The following SYT1 variants were observed in gnomAD, a reference collection of about 807,000 sequenced individuals.
SYT1 encodes the protein synaptotagmin 1, also known as synaptotagmin-1.
SYT1 carries 8 observed loss-of-function variants against 44.8 expected under a neutral mutation model. The ratio of observed to expected loss-of-function variants is 0.18; its 90% CI spans 0.10 to 0.32. SYT1 has a LOEUF of 0.32. Ranked by LOEUF, SYT1 falls within the 10% of genes least tolerant of loss-of-function variation. SYT1 has a pLI of 1.00. For synonymous variants in SYT1, 154 were observed against 188.8 expected, an observed-to-expected ratio of 0.82 and a Z score of 1.51; for missense variants, 286 against 509.3, an observed-to-expected ratio of 0.56 and a Z score of 4.22.
intron 1 of SYT1, among the ~76,000 whole-genome samples, chr12:78,904,634 G>T (rs2199539): frequency 0.38 from 57,628 of 151,944 alleles, 13,011 homozygotes; most frequent in Non-Finnish European, 0.49. Context: ...AATGTTATTT[G>T]ACATTTGAAG....
At chr12:79,076,841 C>T (rs1876691351) in intron 3 of SYT1, among the ~76,000 whole-genome samples, 1 of 152,162 alleles carries the variant, frequency 6.6e-6, no homozygotes, top group Admixed American at 6.5e-5. Context: ...TGGTGGCACG[C>T]ATCTATAGTC....
chr12:79,233,366 C>G (rs140019204), intron 4 of SYT1, among the ~76,000 whole-genome samples: 2 of 152,318 alleles, frequency 1.3e-5, no homozygotes, highest in African/African-American at 4.8e-5. Context: ...CAAAAGAAAC[C>G]TGGATACACT....
At chr12:79,002,265 T>C (rs1870788180) in intron 2 of SYT1, among the ~76,000 whole-genome samples, 2 of 152,226 alleles carry the variant, frequency 1.3e-5, no homozygotes, top group South Asian at 2.1e-4. Flanking sequence ...CAATGCAACA[T>C]GCTCCCTCCC....
At chr12:79,042,020 GT>G (rs1427007190) in intron 2 of SYT1, among the ~76,000 whole-genome samples, 1 of 150,964 alleles carries the variant, frequency 6.6e-6, no homozygotes, top group East Asian at 2.0e-4. Context: ...TGCTGGATTC[GT>G]TTTGCCAGTA....
At chr12:78,905,769 C>A (rs1875946596) in intron 1 of SYT1, among the ~76,000 whole-genome samples, 1 of 151,494 alleles carries the variant, frequency 6.6e-6, no homozygotes, top group South Asian at 2.1e-4. Flanking sequence ...AGTTTTTTGA[C>A]CTTTTTAATT....
At chr12:78,870,888 C>T (rs969567370) in intron 1 of SYT1, among the ~76,000 whole-genome samples, 19 of 152,024 alleles carry the variant, frequency 1.2e-4, no homozygotes, top group Non-Finnish European at 7.4e-5. Context: ...CATGAATACT[C>T]AGTCAAAACA....
At chr12:79,323,569 A>T (rs796886710) in intron 8 of SYT1, among the ~76,000 whole-genome samples, 1 of 152,244 alleles carries the variant, frequency 6.6e-6, no homozygotes, top group East Asian at 1.9e-4. Flanking sequence ...ATAAAGAATT[A>T]TGGCAAATAG....
intron 8 of SYT1, among the ~76,000 whole-genome samples, chr12:79,319,810 C>T (rs769111021): frequency 1.1e-4 from 17 of 152,186 alleles, no homozygotes; most frequent in Non-Finnish European, 2.4e-4. Context: ...TTATTCCATT[C>T]CACAATAGTG....
At chr12:78,913,338 G>T (rs1876452471) in intron 1 of SYT1, among the ~76,000 whole-genome samples, 1 of 151,036 alleles carries the variant, frequency 6.6e-6, no homozygotes, top group African/African-American at 2.4e-5. Flanking sequence ...TATTAATTGT[G>T]TATTTGAGAA....
rs559280107 is a variant in SYT1, at chr12:79,086,724, T to C, written c.-18+39362T>C. 1.6e-4 allele frequency among the ~76,000 whole-genome samples: 25 copies of C among 152,256 alleles called. No individual in the cohort carries two copies. In the South Asian group the frequency reaches 3.7e-3, roughly 23 times the overall value. On this transcript the variant is annotated intron_variant, in intron 3 of 10. Coordinates refer to ENST00000261205, the MANE Select transcript of SYT1 (RefSeq NM_005639.3). ...TCACTGCCGGGGTTGTCAAATATCA[T>C]TGGTGCAAGGTGCCTTTCTGTGTGC...
At chr12:79,316,741 G>A (rs1881105615) in intron 8 of SYT1, among the ~76,000 whole-genome samples, 1 of 152,158 alleles carries the variant, frequency 6.6e-6, no homozygotes, top group Non-Finnish European at 1.5e-5. Flanking sequence ...AAGTGTAGGT[G>A]CATACCCACA....
chr12:79,282,891 T>C lies in SYT1; in HGVS notation c.167-2896T>C, dbSNP rs538576389. Among the ~76,000 whole-genome samples, 183 of 152,322 alleles carry C rather than the reference T, an allele frequency of 1.2e-3. 2 individuals carry two copies. Among genetic ancestry groups the C allele is most frequent in the Middle Eastern group, 6.8e-3 (2 of 294 alleles). On this transcript the variant is annotated intron_variant, in intron 4 of 10. Transcript: ENST00000261205. ...TGGGCCATAACAGGTAGGTAGGTCT[T>C]CAATAAACTTTTAGCCTGATCCAAA...
chr12:79,109,092 C>CT (rs1555198883), intron 3 of SYT1, among the ~76,000 whole-genome samples: 1 of 152,102 alleles, frequency 6.6e-6, no homozygotes, highest in Non-Finnish European at 1.5e-5. Context: ...AGGGTGCTTC[C>CT]AGCCTGGCAG....
At position 78,983,924 on chromosome 12, in the gene SYT1, G is replaced by A. The variant is rs148895275; in HGVS notation, c.-84+5993G>A. 5.2e-3 allele frequency among the ~76,000 whole-genome samples: 789 copies of A among 152,034 alleles called. 10 individuals are homozygous for A. Among genetic ancestry groups the A allele is most frequent in the African/African-American group, 0.018 (754 of 41,504 alleles). On this transcript the variant is annotated intron_variant, in intron 2 of 10. Transcript: ENST00000261205. ...ACATTTCAAAAATTTGATACATAAA[G>A]ATGTGCCAGTACAAAGTTTGGTCCT...
At chr12:79,203,749 A>T (rs1208591823) in intron 3 of SYT1, among the ~76,000 whole-genome samples, 2 of 152,206 alleles carry the variant, frequency 1.3e-5, no homozygotes, top group Admixed American at 1.3e-4. Flanking sequence ...TAGATTGTAG[A>T]TACTGTTCAT....
chr12:79,364,501 G>C (rs971424918), intron 9 of SYT1, among the ~76,000 whole-genome samples: 1 of 152,090 alleles, frequency 6.6e-6, no homozygotes, highest in East Asian at 1.9e-4. Context: ...CCGGCTGACA[G>C]CCTTTTTAAA....
intron 2 of SYT1, among the ~76,000 whole-genome samples, chr12:78,979,521 G>C (rs989870463): frequency 6.6e-6 from 1 of 152,064 alleles, no homozygotes; most frequent in Non-Finnish European, 1.5e-5. Flanking sequence ...TACAAAATGA[G>C]AGCAAGGAAA....
At chr12:79,118,082 G>A (rs1489670510) in intron 3 of SYT1, among the ~76,000 whole-genome samples, 1 of 151,978 alleles carries the variant, frequency 6.6e-6, no homozygotes, top group African/African-American at 2.4e-5. Flanking sequence ...TATTTTCTCT[G>A]TTTGCTGATT....
intron 1 of SYT1, among the ~76,000 whole-genome samples, chr12:78,917,763 G>A (rs557261317): frequency 4.6e-5 from 7 of 151,954 alleles, no homozygotes; most frequent in Non-Finnish European, 1.0e-4. Context: ...GACTCATATT[G>A]AATTTAAGGT....
Sources: gnomAD v4.1 joint callset for allele counts (sites outside exome capture counted in the v4.1 genomes callset) on GRCh38, gnomAD v4.1.1 for gene constraint, MANE v1.5 for transcripts, NCBI Gene and HGNC (gene_info 2026-07-23, HGNC 2026-07-21) for gene names.